Variants in ZIK1 observed in about 807,000 individuals in gnomAD.
The protein encoded by ZIK1 is zinc finger protein interacting with ribonucleoprotein K.
In ZIK1, 12 loss-of-function variants were observed where a neutral mutation model predicts 10.7. The observed-to-expected ratio is 1.12, with a 90% CI of 0.72 to 1.81. ZIK1 has a LOEUF of 1.81. Ranked by LOEUF, ZIK1 falls within the 40% of genes most tolerant of loss-of-function variation. ZIK1 has a pLI of 0.00. For synonymous variants in ZIK1, 190 were observed against 205.0 expected, an observed-to-expected ratio of 0.93 and a Z score of 0.63; for missense variants, 497 against 585.7, an observed-to-expected ratio of 0.85 and a Z score of 1.56.
At chr19:57,587,900 G>T (rs1284052918) in intron 2 of ZIK1, among the ~76,000 whole-genome samples, 1 of 152,084 alleles carries the variant, frequency 6.6e-6, no homozygotes, top group African/African-American at 2.4e-5. Context: ...TTTGAATGAG[G>T]GTTAAGAGGT....
At position 57,590,738 on chromosome 19, in the gene ZIK1, C is replaced by G. The variant is rs1301516744; in HGVS notation, c.927C>G (p.Ser309Arg). 2 of 1,614,042 alleles carry G rather than the reference C, an allele frequency of 1.2e-6. No homozygotes were observed. The highest frequency in any genetic ancestry group is 1.7e-5 in the Admixed American group (1 of 60,006). Residue 309 changes from serine to arginine, a missense_variant, in exon 4 of 4, where the codon AGC becomes AGG. By Grantham distance (110) the Ser-to-Arg change is moderately radical. Coordinates refer to ENST00000597850, the MANE Select transcript of ZIK1 (RefSeq NM_001010879.4). ...GAAAATTATTTAGACAAAACTCCAG[C>G]CTTGTTGACCACCAGAAAATACACA... The part of the protein sequence containing the change: ...ECGKLFRQNS[S>R]LVDHQKIHTG...
chr19:57,584,502 C>G, intron 1 of ZIK1, 113 bp downstream of exon 1: 1 of 1,439,532 alleles, frequency 6.9e-7, no homozygotes, highest in Non-Finnish European at 9.2e-7. Flanking sequence ...GGTGGGGTCC[C>G]TATTTCCAGA....
chr19:57,584,677 A>G, intron 1 of ZIK1: 3 of 1,359,240 alleles, frequency 2.2e-6, no homozygotes, highest in Non-Finnish European at 2.9e-6. Context: ...CAGAAGCGGC[A>G]TATGGTCTGA....
intron 3 of ZIK1, chr19:57,589,655 T>TG: frequency 1.0e-6 from 1 of 985,444 alleles, no homozygotes; most frequent in Non-Finnish European, 1.2e-6. Context: ...GTCAACCTTC[T>TG]GCACAGCATG....
In ZIK1 at chr19:57,591,227, T is replaced by C. The variant is rs752647765; in HGVS notation, c.1416T>C (p.Phe472=). ...AGTGCAACAAATGTGGGAATTCCTT[T>C]AGCCAATGCTCCAGCCTCATACATC... ...PYECNKCGNS[F]SQCSSLIHHQ... is the part of the protein sequence containing the mutation. The change falls in exon 4 of 4, where the codon TTT becomes TTC. Residue 472 remains phenylalanine (F), a synonymous_variant. Transcript: ENST00000597850. 3 of 1,614,046 alleles carry C rather than the reference T, an allele frequency of 1.9e-6. No individual in the cohort carries two copies. In the South Asian group the frequency reaches 3.3e-5, roughly 18 times the overall value.
chr19:57,589,432 T>G, intron 3 of ZIK1: 2 of 985,384 alleles, frequency 2.0e-6, no homozygotes, highest in African/African-American at 1.7e-5. Context: ...TTCTCTCTCT[T>G]ATTATTTTTA....
Position 57,588,531 on chromosome 19 carries a change from C to G in ZIK1, c.73-8C>G. ...TGATTGTGGAGTGACCTGTCCCCATCATGACAGGGCTGTGTGACCTTTGAG... is the reference window on the plus strand; with the variant it reads ...TGATTGTGGAGTGACCTGTCCCCATGATGACAGGGCTGTGTGACCTTTGAG... On this transcript the variant is annotated splice_region_variant and splice_polypyrimidine_tract_variant and intron_variant, in intron 2 of 3. Transcript: ENST00000597850. 2 of 1,487,270 alleles carry G rather than the reference C, an allele frequency of 1.3e-6. No homozygotes were observed. The highest frequency in any genetic ancestry group is 1.8e-4 in the Middle Eastern group (1 of 5,510). 92.1% of individuals were successfully genotyped at this position (1,487,270 alleles called of 1,614,324 possible).
Position 57,591,252 on chromosome 19 carries a change from C to T in ZIK1, c.1441C>T (p.His481Tyr). 3.7e-6 allele frequency: 6 copies of T among 1,610,450 alleles called. No individual in the cohort carries two copies. Residue 481 changes from histidine to tyrosine, a missense_variant, in exon 4 of 4, where the codon CAC (histidine) becomes TAC (tyrosine). Coordinates refer to ENST00000597850, the MANE Select transcript of ZIK1 (RefSeq NM_001010879.4). ...SFSQCSSLIH[H>Y]QKCHNT ...TAGCCAATGCTCCAGCCTCATACAT[C>T]ACCAAAAATGTCATAACACATAGAG...
chr19:57,586,923 C>T (rs1035956769), intron 2 of ZIK1, among the ~76,000 whole-genome samples: 1 of 152,132 alleles, frequency 6.6e-6, no homozygotes, highest in African/African-American at 2.4e-5. Context: ...TTTCATGCTG[C>T]TGATAAAGAT....
Position 57,590,501 on chromosome 19 carries a change from A to C in ZIK1, c.690A>C (p.Pro230=). 1 of 1,613,910 alleles carries C rather than the reference A, an allele frequency of 6.2e-7. No individual in the cohort carries two copies. The highest frequency in any genetic ancestry group is 8.5e-7 in the Non-Finnish European group (1 of 1,179,960). The change falls in exon 4 of 4, where the codon CCA becomes CCC. Residue 230 remains proline, a synonymous_variant. Coordinates refer to ENST00000597850, the MANE Select transcript of ZIK1 (RefSeq NM_001010879.4). ...SRHKHTPVYH[P]RVYTGKKLYE... ...ACAAACACACTCCTGTTTACCATCC[A>C]AGAGTCTACACTGGAAAAAAGCTTT...
rs58449774 is a variant in ZIK1, at chr19:57,593,078, G to C, written c.*1803G>C. ...TTTTTTTTTTTGAGATGGAGTCTCA[G>C]TCTGTCACCAGGCTGGAGTGCAGTG... is the stretch of plus-strand genomic sequence containing the variant. On this transcript the variant is annotated 3_prime_UTR_variant, in exon 4 of 4. Transcript: ENST00000597850. The C allele has an allele frequency of 0.32, 47,759 of 148,170 alleles. 8,016 individuals are homozygous for C. The highest frequency in any genetic ancestry group is 0.44 in the African/African-American group (17,397 of 39,962). The allele number at this position is 148,170 out of a possible 1,614,324, so 9.2% of individuals were successfully genotyped here. A position where few individuals can be genotyped will look rare whatever the true frequency, so the allele number is the denominator to read the frequency against.
At chr19:57,585,086 GACTCT>G in intron 2 of ZIK1, 96 bp downstream of exon 2, 1 of 1,184,788 alleles carries the variant, frequency 8.4e-7, no homozygotes, top group Non-Finnish European at 1.2e-6. Flanking sequence ...TTGACCTAAG[GACTCT>G]TCACAAACTG....
rs772945157 is a variant in ZIK1, at chr19:57,591,050, G to A, written c.1239G>A (p.Gly413=). 2.5e-5 allele frequency: 40 copies of A among 1,613,486 alleles called. No homozygotes were observed. Among genetic ancestry groups the A allele is most frequent in the Admixed American group, 5.0e-5 (3 of 59,956 alleles). ...GGCCTTATAAGTGTGGTGACTGTGG[G>A]AAATCCTTTAGTCAAAGCTCCATCC... ...GERPYKCGDC[G]KSFSQSSILI... The change falls in exon 4 of 4, where the codon GGG becomes GGA. Residue 413 remains glycine (G), a synonymous_variant. Coordinates refer to ENST00000597850, the MANE Select transcript of ZIK1 (RefSeq NM_001010879.4).
At chr19:57,584,672 G>T in intron 1 of ZIK1, 1 of 1,364,686 alleles carries the variant, frequency 7.3e-7, no homozygotes, top group Non-Finnish European at 9.5e-7. Flanking sequence ...GTGTACAGAA[G>T]CGGCATATGG....
chr19:57,589,451 T>A (rs746081266), intron 3 of ZIK1: 48 of 985,304 alleles, frequency 4.9e-5, no homozygotes, highest in Non-Finnish European at 5.5e-5. Context: ...TATCTATGAC[T>A]TCTAGCACCT....
intron 3 of ZIK1, 27 bp from the exon 4 acceptor site, chr19:57,589,984 A>G: frequency 1.2e-6 from 2 of 1,602,210 alleles, no homozygotes; most frequent in Non-Finnish European, 1.7e-6. Flanking sequence ...GTCAATGTAT[A>G]TTTCATCAGC....
At chr19:57,587,018 G>A (rs2123418458) in intron 2 of ZIK1, among the ~76,000 whole-genome samples, 2 of 152,302 alleles carry the variant, frequency 1.3e-5, no homozygotes, top group Middle Eastern at 3.4e-3. Flanking sequence ...CACAATCATG[G>A]TGGAGGGTGA....
chr19:57,590,426 C>CAGTCAAAAA lies in ZIK1; in HGVS notation c.621_629dup (p.Gln207_Ser209dup). 6.2e-7 allele frequency: 1 copy of CAGTCAAAAA among 1,614,096 alleles called. No individual in the cohort carries two copies. Among genetic ancestry groups the CAGTCAAAAA allele is most frequent in the Non-Finnish European group, 8.5e-7 (1 of 1,179,994 alleles). On this transcript the variant is annotated inframe_insertion, in exon 4 of 4. Transcript: ENST00000597850. Reference sequence around the variant, plus strand: ...TTACTGAATGTGGGGAGGACATTCGCAGTCAAAAAAGTCATTACAAGTCAG... The same window carrying CAGTCAAAAA: ...TTACTGAATGTGGGGAGGACATTCGCAGTCAAAAAAGTCAAAAAAGTCATTACAAGTCAG...
intron 3 of ZIK1, chr19:57,589,345 C>A: frequency 1.0e-6 from 1 of 985,344 alleles, no homozygotes; most frequent in Non-Finnish European, 1.2e-6. Context: ...AGGAGCCTGT[C>A]CTGTCTTCAC....
Sources: gnomAD v4.1 joint callset for allele counts (sites outside exome capture counted in the v4.1 genomes callset) on GRCh38, gnomAD v4.1.1 for gene constraint, MANE v1.5 for transcripts, NCBI Gene and HGNC (gene_info 2026-07-23, HGNC 2026-07-21) for gene names.